RPS6KA2: variants seen among roughly 807,000 people sequenced by gnomAD.
RPS6KA2 encodes ribosomal protein S6 kinase alpha-2.
A neutral mutation model predicts 91.8 loss-of-function variants in RPS6KA2; 42 were observed. The ratio of observed to expected loss-of-function variants is 0.46; its 90% CI spans 0.36 to 0.59. The LOEUF (loss-of-function observed/expected upper bound fraction) is 0.59, where lower values mean the gene tolerates loss of function less well. RPS6KA2 is among the 20% of genes least tolerant of loss of function. RPS6KA2 has a pLI of 0.00. For missense variants in RPS6KA2, 798 were observed against 978.5 expected, an observed-to-expected ratio of 0.82 and a Z score of 2.46; for synonymous variants, 414 against 393.6, an observed-to-expected ratio of 1.05 and a Z score of -0.61.
chr6:166,862,458 G>C (rs1215905870), exon 1 of RPS6KA2: 2 of 1,139,602 alleles, frequency 1.8e-6, no homozygotes, highest in Non-Finnish European at 2.3e-6. Flanking sequence ...CTTCCCGCTC[G>C]GGCTGGGGCG....
intron 1 of RPS6KA2, among the ~76,000 whole-genome samples, chr6:166,619,947 C>A (rs1786564201): frequency 6.6e-6 from 1 of 152,160 alleles, no homozygotes; most frequent in Non-Finnish European, 1.5e-5. Flanking sequence ...AAAGTAAAAT[C>A]CCCCCACTCC....
intron 2 of RPS6KA2, among the ~76,000 whole-genome samples, chr6:166,853,980 C>T (rs760991145): frequency 3.3e-5 from 5 of 152,236 alleles, no homozygotes; most frequent in South Asian, 2.1e-4. Context: ...ACTGTGATGT[C>T]GCTATACTGA....
At chr6:166,597,430 G>A (rs1785572639) in intron 1 of RPS6KA2, among the ~76,000 whole-genome samples, 1 of 152,220 alleles carries the variant, frequency 6.6e-6, no homozygotes, top group African/African-American at 2.4e-5. Context: ...ATCTCTACAG[G>A]ACACAGAGCT....
chr6:166,480,758 G>T (rs755575593), intron 10 of RPS6KA2, among the ~76,000 whole-genome samples: 2 of 151,230 alleles, frequency 1.3e-5, no homozygotes, highest in African/African-American at 4.9e-5. Context: ...CAGGTGATCC[G>T]CCTGCCTGGG....
At chr6:166,817,463 T>C (rs1779797447) in intron 2 of RPS6KA2, among the ~76,000 whole-genome samples, 1 of 152,108 alleles carries the variant, frequency 6.6e-6, no homozygotes, top group African/African-American at 2.4e-5. Context: ...CAGAGATATC[T>C]CCATGTAAAT....
chr6:166,847,688 G>A (rs1229465049), intron 2 of RPS6KA2, among the ~76,000 whole-genome samples: 1 of 152,028 alleles, frequency 6.6e-6, no homozygotes, highest in African/African-American at 2.4e-5. Context: ...ATATGATACT[G>A]GGATAACTGC....
chr6:166,487,766 T>C (rs888885156), intron 10 of RPS6KA2, among the ~76,000 whole-genome samples: 24 of 152,230 alleles, frequency 1.6e-4, no homozygotes, highest in Admixed American at 1.4e-3. Flanking sequence ...TTTAAATACA[T>C]CAATGTTGAT....
At chr6:166,687,311 A>G (rs1271547462) in intron 2 of RPS6KA2, among the ~76,000 whole-genome samples, 2 of 152,206 alleles carry the variant, frequency 1.3e-5, no homozygotes, top group South Asian at 2.1e-4. Flanking sequence ...AATGAGGAAC[A>G]CACAGCTGTA....
At chr6:166,843,656 C>T (rs1317368941) in intron 2 of RPS6KA2, among the ~76,000 whole-genome samples, 5 of 152,130 alleles carry the variant, frequency 3.3e-5, no homozygotes, top group Non-Finnish European at 7.3e-5. Flanking sequence ...GTGGCTAGAT[C>T]CAGAAGAGCA....
chr6:166,643,631 A>G (rs538499551), intron 2 of RPS6KA2, among the ~76,000 whole-genome samples: 3 of 152,354 alleles, frequency 2.0e-5, no homozygotes, highest in South Asian at 4.1e-4. Flanking sequence ...TTTTTGTCTC[A>G]ATATATGTCT....
chr6:166,628,135 TG>T (rs1466750540), upstream of RPS6KA2, among the ~76,000 whole-genome samples: 1 of 152,210 alleles, frequency 6.6e-6, no homozygotes, highest in African/African-American at 2.4e-5. Flanking sequence ...CGGGGTGACC[TG>T]GGTCTAGGGC....
intron 1 of RPS6KA2, among the ~76,000 whole-genome samples, chr6:166,569,769 C>A (rs1203486623): frequency 6.6e-6 from 1 of 152,226 alleles, no homozygotes; most frequent in Non-Finnish European, 1.5e-5. Context: ...TGGCAGAACA[C>A]TTCTCAAAGG....
chr6:166,588,530 T>C (rs1012302476), intron 1 of RPS6KA2, among the ~76,000 whole-genome samples: 2 of 152,176 alleles, frequency 1.3e-5, no homozygotes, highest in African/African-American at 4.8e-5. Context: ...TTGCAGCACG[T>C]CGCTGAGACA....
At position 166,727,960 on chromosome 6, in the gene RPS6KA2, C is replaced by G. The variant is rs116403911; in HGVS notation, c.123+130240G>C. On this transcript the variant is annotated intron_variant, in intron 2 of 21. Transcript: ENST00000503859. ...GGACCAAAAATATTTGGGAATAAAA[C>G]CAGATGGTCATGTCCATACTAAACA... Among the ~76,000 whole-genome samples, 564 of 152,312 alleles carry G rather than the reference C, an allele frequency of 3.7e-3. 5 individuals carry two copies. The highest frequency in any genetic ancestry group is 0.013 in the African/African-American group (540 of 41,552).
At chr6:166,560,021 C>T (rs1327058577) in intron 1 of RPS6KA2, among the ~76,000 whole-genome samples, 2 of 152,208 alleles carry the variant, frequency 1.3e-5, no homozygotes, top group Non-Finnish European at 2.9e-5. Context: ...GCATGACCTT[C>T]CCTGACACTA....
chr6:166,679,639 G>A (rs73259086), intron 2 of RPS6KA2, among the ~76,000 whole-genome samples: 14 of 152,090 alleles, frequency 9.2e-5, no homozygotes, highest in Admixed American at 3.9e-4. Context: ...TCAACCTGGC[G>A]GCGCTCCTCG....
chr6:166,584,301 G>A (rs1252948159), intron 1 of RPS6KA2, among the ~76,000 whole-genome samples: 1 of 152,152 alleles, frequency 6.6e-6, no homozygotes, highest in African/African-American at 2.4e-5. Context: ...TACTCCCATC[G>A]AATCAGGGCC....
chr6:166,728,093 A>G (rs1790395080), intron 2 of RPS6KA2, among the ~76,000 whole-genome samples: 1 of 152,254 alleles, frequency 6.6e-6, no homozygotes, highest in Admixed American at 6.5e-5. Flanking sequence ...ATTACAGAAT[A>G]CAGAAGGATG....
chr6:166,430,463 T>C lies in RPS6KA2; in HGVS notation c.1571A>G (p.His524Arg). ...AGGCATGGCTCCTACCCCCTGGGAA[T>C]GGAGGTAGTCCATGGTCTTGGTGAT... ...CTITKTMDYLHSQGVVHRDLK... is the reference protein window; with the variant it reads ...CTITKTMDYLRSQGVVHRDLK... The change falls in exon 16 of 21, where the codon CAT (histidine) becomes CGT (arginine). Residue 524 changes from histidine to arginine, a missense_variant. His to Arg is a conservative substitution (Grantham distance 29, BLOSUM62 0). Coordinates refer to ENST00000265678, the MANE Select transcript of RPS6KA2 (RefSeq NM_021135.6). 1.2e-6 allele frequency: 2 copies of C among 1,612,064 alleles called. No homozygotes were observed. Among genetic ancestry groups the C allele is most frequent in the Non-Finnish European group, 1.7e-6 (2 of 1,178,772 alleles).
Sources: allele counts gnomAD v4.1 joint callset (sites outside exome capture counted in the v4.1 genomes callset), GRCh38; gene constraint gnomAD v4.1.1; transcripts MANE v1.5; gene names NCBI Gene and HGNC (gene_info 2026-07-23, HGNC 2026-07-21).